SBF2: variants seen among roughly 807,000 people sequenced by gnomAD.
SBF2 encodes the protein SET binding factor 2.
In SBF2, 112 loss-of-function variants were observed where a neutral mutation model predicts 225.2. The ratio of observed to expected loss-of-function variants is 0.50; its 90% CI spans 0.43 to 0.58. SBF2 has a LOEUF of 0.58. Ranked by LOEUF, SBF2 falls within the 20% of genes least tolerant of loss-of-function variation. SBF2 has a pLI of 0.00. For synonymous variants in SBF2, 763 were observed against 773.3 expected (o/e 0.99, Z 0.22); for missense variants, 1,996 against 2,206.2 (o/e 0.90, Z 1.91).
rs115528611 is a variant in SBF2, at chr11:10,205,436, G to C, written c.56-11449C>G. Among the ~76,000 whole-genome samples, 1,021 of 152,018 alleles carry C rather than the reference G, an allele frequency of 6.7e-3. 10 individuals are homozygous for C. Among genetic ancestry groups the C allele is most frequent in the African/African-American group, 0.023 (967 of 41,470 alleles). On this transcript the variant is annotated intron_variant, in intron 1 of 39. Transcript: ENST00000256190. Reference sequence around the variant, plus strand: ...AAAGGAGAACTCTGAAAGGTGGTAAGAGGAAAGTAAACTGTTTTGTAACCC... The same window carrying C: ...AAAGGAGAACTCTGAAAGGTGGTAACAGGAAAGTAAACTGTTTTGTAACCC...
intron 17 of SBF2, among the ~76,000 whole-genome samples, chr11:9,867,422 T>G (rs2134035896): frequency 6.6e-6 from 1 of 152,236 alleles, no homozygotes; most frequent in East Asian, 1.9e-4. Context: ...GAATGGAGAA[T>G]GCTTGTACAC....
At chr11:10,207,888 AT>A (rs1235897677) in intron 1 of SBF2, among the ~76,000 whole-genome samples, 2 of 152,164 alleles carry the variant, frequency 1.3e-5, no homozygotes, top group African/African-American at 4.8e-5. Flanking sequence ...GGTAAATATG[AT>A]ATCCATTTCC....
At chr11:10,130,940 A>G (rs1460032473) in intron 2 of SBF2, among the ~76,000 whole-genome samples, 2 of 152,152 alleles carry the variant, frequency 1.3e-5, no homozygotes, top group Admixed American at 1.3e-4. Context: ...CACTCCTACT[A>G]TTGTAGGACA....
At chr11:10,062,582 G>A (rs903658783) in intron 2 of SBF2, among the ~76,000 whole-genome samples, 8 of 152,104 alleles carry the variant, frequency 5.3e-5, no homozygotes, top group African/African-American at 1.9e-4. Flanking sequence ...ATAAGCATAT[G>A]GAAACAAGCT....
At chr11:10,131,506 T>G (rs2135098434) in intron 2 of SBF2, among the ~76,000 whole-genome samples, 1 of 152,350 alleles carries the variant, frequency 6.6e-6, no homozygotes, top group African/African-American at 2.4e-5. Context: ...TGACCTTGGC[T>G]CACTGCAACC....
Position 9,792,386 on chromosome 11 carries a change from G to A in SBF2, c.4571-1703C>T, listed in dbSNP as rs185808374. Among the ~76,000 whole-genome samples the A allele has an allele frequency of 1.3e-4, 20 of 151,434 alleles. No individual in the cohort carries two copies. In the East Asian group the frequency reaches 3.5e-3, roughly 27 times the overall value. ...GTGGAGGTTGCAGTGAGCTGAGATC[G>A]TGCCACTGCACTCCAGCCTGGCGAC... On this transcript the variant is annotated intron_variant, in intron 33 of 39. Coordinates refer to ENST00000256190, the MANE Select transcript of SBF2 (RefSeq NM_030962.4).
intron 17 of SBF2, among the ~76,000 whole-genome samples, chr11:9,863,112 C>T (rs1301722396): frequency 2.0e-5 from 3 of 152,100 alleles, no homozygotes; most frequent in African/African-American, 7.2e-5. Flanking sequence ...CGTGAAGGTA[C>T]TAGATTAAGC....
intron 1 of SBF2, among the ~76,000 whole-genome samples, chr11:10,289,223 T>C (rs1271180971): frequency 2.0e-5 from 3 of 152,208 alleles, no homozygotes; most frequent in Non-Finnish European, 4.4e-5. Context: ...GCAGGAGGGA[T>C]GCCTTCCCTG....
At chr11:10,288,703 C>A (rs1210783836) in intron 1 of SBF2, among the ~76,000 whole-genome samples, 1 of 152,150 alleles carries the variant, frequency 6.6e-6, no homozygotes, top group Non-Finnish European at 1.5e-5. Flanking sequence ...GGCAGGTTGT[C>A]CCATCATCTC....
chr11:9,859,696 C>T (rs1857572414), intron 17 of SBF2, among the ~76,000 whole-genome samples: 1 of 152,162 alleles, frequency 6.6e-6, no homozygotes, highest in African/African-American at 2.4e-5. Flanking sequence ...TGGTTCATTT[C>T]TTAGGGACGT....
intron 17 of SBF2, among the ~76,000 whole-genome samples, chr11:9,889,275 C>T (rs1160847378): frequency 2.0e-5 from 3 of 152,180 alleles, no homozygotes; most frequent in Non-Finnish European, 4.4e-5. Context: ...AAGTTAGATT[C>T]ATACAAATGA....
intron 3 of SBF2, among the ~76,000 whole-genome samples, chr11:10,035,057 T>C (rs10743125): frequency 1 from 151,618 of 152,272 alleles, 75,487 homozygotes; most frequent in Middle Eastern, 1. Flanking sequence ...CTCCACCTCC[T>C]GGGTTCATGC....
chr11:9,825,866 G>T (rs1187009678), intron 28 of SBF2, among the ~76,000 whole-genome samples: 2 of 152,216 alleles, frequency 1.3e-5, no homozygotes, highest in Admixed American at 6.5e-5. Flanking sequence ...TATGGGCCTG[G>T]TGAGTTTTAG....
intron 1 of SBF2, among the ~76,000 whole-genome samples, chr11:10,243,733 A>G (rs1283792490): frequency 1.3e-5 from 2 of 152,150 alleles, no homozygotes; most frequent in Non-Finnish European, 2.9e-5. Context: ...TGTATAATCT[A>G]CCAAGGCTGA....
intron 12 of SBF2, among the ~76,000 whole-genome samples, chr11:9,991,248 C>T (rs1947420319): frequency 6.6e-6 from 1 of 152,194 alleles, no homozygotes; most frequent in South Asian, 2.1e-4. Flanking sequence ...TTGTCCACCT[C>T]AGGATGTTTC....
chr11:10,222,896 A>G (rs1240752272), intron 1 of SBF2, among the ~76,000 whole-genome samples: 1 of 152,126 alleles, frequency 6.6e-6, no homozygotes, highest in Non-Finnish European at 1.5e-5. Context: ...ATTACCCAGG[A>G]CAGATAATGT....
intron 2 of SBF2, among the ~76,000 whole-genome samples, chr11:10,175,191 G>C (rs1313727816): frequency 7.3e-5 from 11 of 151,070 alleles, no homozygotes. Flanking sequence ...TGGACTAAAT[G>C]CTCCAATTAA....
rs181868272 is a variant in SBF2, at chr11:10,162,343, A to C, written c.141+31559T>G. On this transcript the variant is annotated intron_variant, in intron 2 of 39. Coordinates refer to ENST00000256190, the MANE Select transcript of SBF2 (RefSeq NM_030962.4). Reference sequence around the variant, plus strand: ...AACCGAAATCTCTATCCTTGGGGCAAAGGAGTAATATAATTGAGAATGACA... The same window carrying C: ...AACCGAAATCTCTATCCTTGGGGCACAGGAGTAATATAATTGAGAATGACA... Among the ~76,000 whole-genome samples, 581 of 152,304 alleles carry C rather than the reference A, an allele frequency of 3.8e-3. 4 individuals carry two copies. The highest frequency in any genetic ancestry group is 5.4e-3 in the South Asian group (26 of 4,828).
intron 16 of SBF2, among the ~76,000 whole-genome samples, chr11:9,947,658 T>TTG (rs1204966291): frequency 6.6e-6 from 1 of 152,182 alleles, no homozygotes; most frequent in African/African-American, 2.4e-5. Context: ...TCAGGTACTC[T>TTG]TGCAGCTTGC....
Sources: gnomAD v4.1 joint callset for allele counts (sites outside exome capture counted in the v4.1 genomes callset) on GRCh38, gnomAD v4.1.1 for gene constraint, MANE v1.5 for transcripts, NCBI Gene and HGNC (gene_info 2026-07-23, HGNC 2026-07-21) for gene names.